THSD7A: variants seen among roughly 807,000 people sequenced by gnomAD.
The protein encoded by THSD7A is thrombospondin type 1 domain containing 7A, also known as thrombospondin type-1 domain-containing protein 7A.
THSD7A carries 96 observed loss-of-function variants against 231.3 expected under a neutral mutation model. The observed-to-expected ratio is 0.41, with a 90% CI of 0.35 to 0.49. The LOEUF (loss-of-function observed/expected upper bound fraction) is 0.49, where lower values mean the gene tolerates loss of function less well. Among genes scored for constraint, THSD7A ranks in the 20% least tolerant of loss-of-function variants. THSD7A has a pLI of 0.05. For missense variants in THSD7A, 2,290 were observed against 2,070.2 expected (o/e 1.11, Z -2.06); for synonymous variants, 940 against 743.3 (o/e 1.26, Z -4.30).
intron 1 of THSD7A, among the ~76,000 whole-genome samples, chr7:11,685,990 G>C (rs541876629): frequency 5.9e-5 from 9 of 152,000 alleles, no homozygotes; most frequent in African/African-American, 2.2e-4. Flanking sequence ...ATGGTGGACT[G>C]GATAAAGAAA....
At chr7:11,402,926 G>C (rs1562581987) in intron 22 of THSD7A, among the ~76,000 whole-genome samples, 1 of 152,144 alleles carries the variant, frequency 6.6e-6, no homozygotes, top group Non-Finnish European at 1.5e-5. Flanking sequence ...TTCAGTACAA[G>C]TCTTTTGATG....
intron 1 of THSD7A, among the ~76,000 whole-genome samples, chr7:11,737,069 A>G (rs947134871): frequency 9.9e-5 from 15 of 152,010 alleles, no homozygotes; most frequent in Admixed American, 9.2e-4. Flanking sequence ...GGCCTCCCCA[A>G]CCATGTGAAA....
intron 7 of THSD7A, among the ~76,000 whole-genome samples, chr7:11,480,550 G>C (rs979952693): frequency 1.3e-5 from 2 of 152,050 alleles, no homozygotes; most frequent in Non-Finnish European, 2.9e-5. Flanking sequence ...GTAAAAGGTT[G>C]TATTTTTCAA....
At chr7:11,617,873 A>G (rs1423688594) in intron 2 of THSD7A, among the ~76,000 whole-genome samples, 1 of 152,186 alleles carries the variant, frequency 6.6e-6, no homozygotes, top group Non-Finnish European at 1.5e-5. Context: ...GCACTAGGAT[A>G]TATACCTAAT....
At chr7:11,420,009 C>T (rs1784091525) in intron 16 of THSD7A, among the ~76,000 whole-genome samples, 1 of 152,112 alleles carries the variant, frequency 6.6e-6, no homozygotes, top group African/African-American at 2.4e-5. Flanking sequence ...AAAAGCCTAG[C>T]TTATTTGGAT....
In THSD7A at chr7:11,644,048, TAA is replaced by T. The variant is rs35693247; in HGVS notation, c.191-7089_191-7088del. Among the ~76,000 whole-genome samples the T allele has an allele frequency of 6.5e-3, 944 of 145,548 alleles. 7 individuals carry two copies. The highest frequency in any genetic ancestry group is 0.017 in the African/African-American group (691 of 39,870). On this transcript the variant is annotated intron_variant, in intron 1 of 27. Transcript: ENST00000423059. ...TTTCTTGGAGGGTTCATCCTTTGAC[TAA>T]AAAAAAAAAAAAACCTTAATTCCTT...
At chr7:11,589,815 A>G (rs1472218926) in intron 4 of THSD7A, among the ~76,000 whole-genome samples, 2 of 152,212 alleles carry the variant, frequency 1.3e-5, no homozygotes, top group African/African-American at 4.8e-5. Flanking sequence ...GAGTCATATT[A>G]ATATCTAAAA....
intron 1 of THSD7A, among the ~76,000 whole-genome samples, chr7:11,710,945 A>T (rs1780938878): frequency 6.6e-6 from 1 of 150,918 alleles, no homozygotes; most frequent in Non-Finnish European, 1.5e-5. Flanking sequence ...AGGTCTGAAG[A>T]GAGCCAACAA....
intron 18 of THSD7A, among the ~76,000 whole-genome samples, chr7:11,412,349 T>C (rs557890761): frequency 6.6e-6 from 1 of 152,298 alleles, no homozygotes; most frequent in East Asian, 1.9e-4. Flanking sequence ...CTGATACCTG[T>C]GCCAAAAATA....
chr7:11,496,500 C>A (rs893834238), intron 6 of THSD7A, among the ~76,000 whole-genome samples: 2 of 152,128 alleles, frequency 1.3e-5, no homozygotes, highest in African/African-American at 2.4e-5. Flanking sequence ...ACCATATGAC[C>A]TGGGGTTTAG....
chr7:11,379,143 A>C lies in THSD7A; in HGVS notation c.4728T>G (p.Ala1576=). ...DKRGDVKTSR[A]VHPTQPSSNP... is the part of the protein sequence containing the mutation. ...TACTGGAGGGTTGGGTTGGATGTAC[A>C]GCCCGACTGGTTTTCACATCTCCTC... Residue 1576 remains alanine (A), a synonymous_variant, in exon 26 of 28, where the codon GCT becomes GCG. Coordinates refer to ENST00000423059, the MANE Select transcript of THSD7A (RefSeq NM_015204.3). 3 of 1,613,672 alleles carry C rather than the reference A, an allele frequency of 1.9e-6. No homozygotes were observed. Among genetic ancestry groups the C allele is most frequent in the Non-Finnish European group, 2.5e-6 (3 of 1,179,694 alleles).
At chr7:11,684,830 A>G (rs576164079) in intron 1 of THSD7A, among the ~76,000 whole-genome samples, 1 of 152,182 alleles carries the variant, frequency 6.6e-6, no homozygotes, top group African/African-American at 2.4e-5. Context: ...AGCAATTCCT[A>G]TCAAATTATC....
intron 1 of THSD7A, among the ~76,000 whole-genome samples, chr7:11,826,119 G>A (rs1276254076): frequency 6.6e-6 from 1 of 152,102 alleles, no homozygotes; most frequent in Non-Finnish European, 1.5e-5. Flanking sequence ...AAGAACAAAG[G>A]CATAATTTTA....
At chr7:11,426,813 G>T (rs893429861) in intron 14 of THSD7A, 142 bp from the exon 15 acceptor site, 14 of 799,504 alleles carry the variant, frequency 1.8e-5, no homozygotes, top group African/African-American at 3.5e-5. Context: ...TAAAATATTA[G>T]AACATTTTTC....
At chr7:11,642,841 T>C (rs1782136451) in intron 1 of THSD7A, among the ~76,000 whole-genome samples, 1 of 152,122 alleles carries the variant, frequency 6.6e-6, no homozygotes, top group Non-Finnish European at 1.5e-5. Context: ...GCCTATCCTC[T>C]TGATATCGTT....
chr7:11,620,201 G>A (rs1781257619), intron 2 of THSD7A, among the ~76,000 whole-genome samples: 1 of 152,054 alleles, frequency 6.6e-6, no homozygotes, highest in Non-Finnish European at 1.5e-5. Context: ...TTTCATTGAA[G>A]TAAATTTGTC....
rs1036674256 is a variant in THSD7A at position 11,411,541 on chromosome 7, G to A, written c.3683-219C>T. Among the ~76,000 whole-genome samples, 1 of 152,176 alleles carries A rather than the reference G, an allele frequency of 6.6e-6. No homozygotes were observed. The highest frequency in any genetic ancestry group is 2.4e-5 in the African/African-American group (1 of 41,440). On this transcript the variant is annotated intron_variant, in intron 18 of 27. Transcript: ENST00000423059. The surrounding 1 kb of genome is among the most constrained non-coding windows in gnomAD (Gnocchi z 4.1). ...ATAGCTACAGGGATTATTCTTAAAG[G>A]CAGATGTCTACTTGAAAATCTTGAT...
At chr7:11,769,694 C>T (rs968104653) in intron 1 of THSD7A, among the ~76,000 whole-genome samples, 1 of 152,088 alleles carries the variant, frequency 6.6e-6, no homozygotes. Context: ...TCTAGAAGTA[C>T]TACCTGAAGC....
chr7:11,533,384 A>G (rs947091819), intron 6 of THSD7A, among the ~76,000 whole-genome samples: 1 of 152,156 alleles, frequency 6.6e-6, no homozygotes, highest in African/African-American at 2.4e-5. Context: ...CAGAGAACAA[A>G]AGTAGAGCCT....
Sources: gnomAD v4.1 joint callset for allele counts (sites outside exome capture counted in the v4.1 genomes callset) on GRCh38, gnomAD v4.1.1 for gene constraint, Gnocchi (gnomAD v3.1) non-coding constraint, MANE v1.5 for transcripts, NCBI Gene and HGNC (gene_info 2026-07-23, HGNC 2026-07-21) for gene names.